IQCH: variants seen among roughly 807,000 people sequenced by gnomAD.
IQCH encodes IQ domain-containing protein H.
IQCH carries 98 observed loss-of-function variants against 117.0 expected under a neutral mutation model. The ratio of observed to expected loss-of-function variants is 0.84; its 90% confidence interval spans 0.71 to 0.99. IQCH has a LOEUF of 0.99. Among genes scored for constraint, IQCH ranks in the 50% least tolerant of loss-of-function variants. The pLI, the probability that IQCH is intolerant of heterozygous loss-of-function variation, is 0.00. For missense variants in IQCH, 1,102 were observed against 1,243.8 expected (o/e 0.89, Z 1.72); for synonymous variants, 412 against 448.2 (o/e 0.92, Z 1.02).
chr15:67,377,771 T>C (rs1447339170), intron 10 of IQCH, among the ~76,000 whole-genome samples: 1 of 152,080 alleles, frequency 6.6e-6, no homozygotes, highest in African/African-American at 2.4e-5. Context: ...AAAGTAAAAA[T>C]AGAGGTGGGA....
intron 3 of IQCH, among the ~76,000 whole-genome samples, chr15:67,271,357 G>T (rs1260737654): frequency 1.3e-5 from 2 of 152,248 alleles, no homozygotes; most frequent in South Asian, 2.1e-4. Flanking sequence ...GAGTGGTATT[G>T]GCCTATAGTT....
chr15:67,272,108 T>C (rs1965921661), intron 3 of IQCH, among the ~76,000 whole-genome samples: 1 of 152,128 alleles, frequency 6.6e-6, no homozygotes, highest in Non-Finnish European at 1.5e-5. Flanking sequence ...TTTTGGTATG[T>C]TGTATTTCCA....
At chr15:67,267,579 G>C (rs184689905) in intron 3 of IQCH, among the ~76,000 whole-genome samples, 3 of 152,134 alleles carry the variant, frequency 2.0e-5, no homozygotes, top group Non-Finnish European at 2.9e-5. Context: ...ACTGGAACCC[G>C]GCAGTCAGGC....
intron 10 of IQCH, among the ~76,000 whole-genome samples, chr15:67,378,733 G>T (rs1453051620): frequency 6.6e-6 from 1 of 151,962 alleles, no homozygotes; most frequent in Non-Finnish European, 1.5e-5. Flanking sequence ...GCATTGAACT[G>T]GGTGTCAGGT....
intron 5 of IQCH, among the ~76,000 whole-genome samples, chr15:67,340,198 C>T (rs1445535102): frequency 4.6e-5 from 7 of 151,838 alleles, no homozygotes; most frequent in Admixed American, 2.6e-4. Context: ...GAGGCCAAGG[C>T]GAGCAGATCA....
At chr15:67,396,298 C>T (rs1971466826) in intron 13 of IQCH, among the ~76,000 whole-genome samples, 1 of 151,842 alleles carries the variant, frequency 6.6e-6, no homozygotes, top group Admixed American at 6.7e-5. Flanking sequence ...ACTTCCTTCG[C>T]TCTTCAGGAA....
chr15:67,483,377 C>T lies in IQCH; in HGVS notation c.2800-6626C>T, dbSNP rs112100184. On this transcript the variant is annotated intron_variant, in intron 18 of 20. Coordinates refer to ENST00000335894, the MANE Select transcript of IQCH (RefSeq NM_001031715.3). ...ACTAAAAATACAAAAATTATCTGGG[C>T]GTGATGGCCCATCCCTGTAATCCCA... Among the ~76,000 whole-genome samples the T allele has an allele frequency of 3.5e-3, 538 of 152,236 alleles. 8 individuals carry two copies. The highest frequency in any genetic ancestry group is 0.012 in the African/African-American group (510 of 41,556).
At chr15:67,355,583 C>A (rs1969859305) in intron 6 of IQCH, among the ~76,000 whole-genome samples, 1 of 150,604 alleles carries the variant, frequency 6.6e-6, no homozygotes, top group Non-Finnish European at 1.5e-5. Context: ...GAGCAAGTCT[C>A]CATCTCAAAA....
intron 3 of IQCH, among the ~76,000 whole-genome samples, chr15:67,274,751 T>G (rs938456948): frequency 6.6e-6 from 1 of 152,212 alleles, no homozygotes; most frequent in East Asian, 1.9e-4. Context: ...AAGGATTAGT[T>G]ATTTATTCCA....
chr15:67,429,072 C>T (rs2081961338), intron 16 of IQCH, among the ~76,000 whole-genome samples: 1 of 152,124 alleles, frequency 6.6e-6, no homozygotes, highest in Non-Finnish European at 1.5e-5. Context: ...ATTTTTAGCC[C>T]AGTAAGACTT....
intron 4 of IQCH, among the ~76,000 whole-genome samples, chr15:67,310,448 G>A (rs950024405): frequency 6.6e-6 from 1 of 151,950 alleles, no homozygotes; most frequent in Non-Finnish European, 1.5e-5. Context: ...AATAAGCAAA[G>A]ATTAAATAAG....
chr15:67,285,475 C>T (rs944157688), intron 4 of IQCH, among the ~76,000 whole-genome samples: 1 of 151,870 alleles, frequency 6.6e-6, no homozygotes, highest in African/African-American at 2.4e-5. Flanking sequence ...TTTTTGTTGA[C>T]AAAAATTTTG....
intron 4 of IQCH, among the ~76,000 whole-genome samples, chr15:67,320,779 G>A (rs895949660): frequency 1.3e-5 from 2 of 152,166 alleles, no homozygotes; most frequent in Non-Finnish European, 2.9e-5. Flanking sequence ...TCCCTAAAAT[G>A]TAGCCCAAAG....
In IQCH at chr15:67,254,820, G is replaced by C; in HGVS notation, c.-77G>C. On this transcript the variant is annotated 5_prime_UTR_variant, in exon 1 of 21. Transcript: ENST00000335894. ...CAGGTCGCGCGCGGTGTTGCCATGG[G>C]GACGAGCGGCTCCGGCTGAAGGTTT... 2.0e-6 allele frequency: 3 copies of C among 1,495,168 alleles called. No homozygotes were observed. The highest frequency in any genetic ancestry group is 1.2e-5 in the South Asian group (1 of 84,500). The allele number at this position is 1,495,168 out of a possible 1,614,324, so 92.6% of individuals were successfully genotyped here. A position where few individuals can be genotyped will look rare whatever the true frequency, so the allele number is the denominator to read the frequency against.
chr15:67,330,315 T>C (rs1159389591), intron 4 of IQCH, among the ~76,000 whole-genome samples: 2 of 152,240 alleles, frequency 1.3e-5, no homozygotes, highest in African/African-American at 2.4e-5. Context: ...TTACTTGCCC[T>C]GTGGATAAGA....
intron 2 of IQCH, among the ~76,000 whole-genome samples, chr15:67,262,721 C>T (rs1428028830): frequency 6.6e-6 from 1 of 151,748 alleles, no homozygotes; most frequent in East Asian, 1.9e-4. Context: ...TGTCTTTTTA[C>T]AAAAAATAAA....
chr15:67,273,419 T>C (rs1054236148), intron 3 of IQCH, among the ~76,000 whole-genome samples: 2 of 152,200 alleles, frequency 1.3e-5, no homozygotes, highest in African/African-American at 4.8e-5. Context: ...GTATCTGTTA[T>C]AGTTTTTTGC....
chr15:67,273,377 C>G (rs1965986345), intron 3 of IQCH, among the ~76,000 whole-genome samples: 2 of 152,106 alleles, frequency 1.3e-5, no homozygotes, highest in Non-Finnish European at 2.9e-5. Flanking sequence ...GCCTGAGCCA[C>G]CATGCCCAGC....
chr15:67,380,616 GTCT>G (rs1287852240), intron 10 of IQCH, among the ~76,000 whole-genome samples: 14 of 152,166 alleles, frequency 9.2e-5, no homozygotes, highest in African/African-American at 2.9e-4. Context: ...TATATCATGT[GTCT>G]TCTTATTTTT....
Sources: gnomAD v4.1 joint callset for allele counts (sites outside exome capture counted in the v4.1 genomes callset) on GRCh38, gnomAD v4.1.1 for gene constraint, MANE v1.5 for transcripts, NCBI Gene and HGNC (gene_info 2026-07-23, HGNC 2026-07-21) for gene names.